The following MAGI1 variants were observed in gnomAD, a reference collection of about 807,000 sequenced individuals.
MAGI1 encodes the protein membrane associated guanylate kinase, WW and PDZ domain containing 1, also known as membrane-associated guanylate kinase, WW and PDZ domain-containing protein 1.
Under a neutral mutation model 139.9 loss-of-function variants are expected in MAGI1, and 58 were observed. The ratio of observed to expected loss-of-function variants is 0.41; its 90% CI spans 0.34 to 0.52. The LOEUF (loss-of-function observed/expected upper bound fraction) is 0.52. Ranked by LOEUF, MAGI1 falls within the 20% of genes least tolerant of loss-of-function variation. The pLI, the probability that MAGI1 is intolerant of heterozygous loss-of-function variation, is 0.12. For synonymous variants in MAGI1, 812 were observed against 737.9 expected, an observed-to-expected ratio of 1.10 and a Z score of -1.63; for missense variants, 1,874 against 1,901.6, an observed-to-expected ratio of 0.99 and a Z score of 0.27.
At chr3:65,887,510 TA>T (rs976970559) in intron 1 of MAGI1, among the ~76,000 whole-genome samples, 1 of 151,750 alleles carries the variant, frequency 6.6e-6, no homozygotes, top group African/African-American at 2.4e-5. Context: ...TACTGTGCAT[TA>T]AAAAAAACTA....
chr3:65,526,867 A>C (rs2078407705), intron 2 of MAGI1, among the ~76,000 whole-genome samples: 1 of 152,190 alleles, frequency 6.6e-6, no homozygotes, highest in African/African-American at 2.4e-5. Flanking sequence ...GTTAGCGCCC[A>C]GTTTTGCCAT....
At chr3:65,979,740 GA>G (rs1213071593) in intron 1 of MAGI1, among the ~76,000 whole-genome samples, 1 of 152,152 alleles carries the variant, frequency 6.6e-6, no homozygotes, top group Non-Finnish European at 1.5e-5. Context: ...GCTCATAAAG[GA>G]AAAGCTTAGG....
intron 2 of MAGI1, among the ~76,000 whole-genome samples, chr3:65,611,889 C>G (rs1258691463): frequency 6.6e-6 from 1 of 151,778 alleles, no homozygotes; most frequent in African/African-American, 2.4e-5. Context: ...GTTTCCTCAT[C>G]AGTGAAGATA....
intron 2 of MAGI1, 86 bp downstream of exon 2, chr3:65,621,886 T>A: frequency 1.1e-6 from 1 of 919,592 alleles, no homozygotes; most frequent in Non-Finnish European, 1.7e-6. Flanking sequence ...CCAGAACCAG[T>A]TGTTGAGATC....
At chr3:65,798,090 G>A (rs2040262490) in intron 1 of MAGI1, among the ~76,000 whole-genome samples, 1 of 152,118 alleles carries the variant, frequency 6.6e-6, no homozygotes, top group Admixed American at 6.5e-5. Context: ...CAGATCACGA[G>A]GTCAAGAGAT....
chr3:65,699,905 A>C (rs995088585), intron 1 of MAGI1, among the ~76,000 whole-genome samples: 59 of 151,978 alleles, frequency 3.9e-4, no homozygotes, highest in Admixed American at 7.8e-4. Flanking sequence ...AAAAATAAAA[A>C]AAAAAAGAAA....
intron 1 of MAGI1, among the ~76,000 whole-genome samples, chr3:65,726,020 C>T (rs2033564441): frequency 6.6e-6 from 1 of 152,082 alleles, no homozygotes; most frequent in Non-Finnish European, 1.5e-5. Flanking sequence ...GCCAGTTTAG[C>T]AGGGTTAAAG....
At chr3:65,430,657 A>G (rs746464011) in intron 11 of MAGI1, 42 bp downstream of exon 11, 11 of 1,583,846 alleles carry the variant, frequency 6.9e-6, no homozygotes, top group Non-Finnish European at 8.6e-6. Context: ...CCTGGATTGG[A>G]GTCTCACCAC....
intron 1 of MAGI1, among the ~76,000 whole-genome samples, chr3:65,835,928 A>G (rs895032023): frequency 6.6e-6 from 1 of 152,138 alleles, no homozygotes; most frequent in African/African-American, 2.4e-5. Context: ...TGTTTTAATT[A>G]TAAAAATTGG....
At chr3:65,424,380 GT>G (rs1307369758) in intron 12 of MAGI1, among the ~76,000 whole-genome samples, 1 of 152,138 alleles carries the variant, frequency 6.6e-6, no homozygotes, top group African/African-American at 2.4e-5. Context: ...CACTTGCCAG[GT>G]TCCCCAGGAA....
chr3:65,854,017 A>G (rs2059293044), intron 1 of MAGI1, among the ~76,000 whole-genome samples: 1 of 152,084 alleles, frequency 6.6e-6, no homozygotes, highest in African/African-American at 2.4e-5. Context: ...CTGAAGCAGG[A>G]GAATCACTTG....
intron 2 of MAGI1, among the ~76,000 whole-genome samples, chr3:65,543,060 A>G (rs900566521): frequency 6.6e-6 from 1 of 152,152 alleles, no homozygotes. Context: ...TATAAGAAAA[A>G]AAAAACAAAC....
chr3:65,366,543 A>T (rs1463772776), intron 18 of MAGI1, among the ~76,000 whole-genome samples: 1 of 152,182 alleles, frequency 6.6e-6, no homozygotes, highest in East Asian at 1.9e-4. Context: ...ACTGGGAGAC[A>T]GTTTAGCACA....
At chr3:65,374,117 A>AT (rs1340869204) in intron 18 of MAGI1, among the ~76,000 whole-genome samples, 3 of 152,100 alleles carry the variant, frequency 2.0e-5, no homozygotes, top group Non-Finnish European at 2.9e-5. Context: ...CATAAACTAG[A>AT]TTTTTTCTTG....
chr3:65,786,907 G>A lies in MAGI1; in HGVS notation c.314-164819C>T, dbSNP rs936031879. Among the ~76,000 whole-genome samples the A allele has an allele frequency of 1.1e-4, 16 of 152,170 alleles. No homozygotes were observed. In the South Asian group the frequency reaches 1.9e-3, roughly 18 times the overall value. On this transcript the variant is annotated intron_variant, in intron 1 of 22. Coordinates refer to ENST00000402939, the MANE Select transcript of MAGI1 (RefSeq NM_001033057.2). ...TGGGATTACAGGTGTGAGCCACCGC[G>A]CAAGACCCCAAGAATCTTTTAATGC...
chr3:65,471,927 A>C (rs998387762), intron 4 of MAGI1, among the ~76,000 whole-genome samples: 5 of 152,132 alleles, frequency 3.3e-5, no homozygotes, highest in African/African-American at 9.7e-5. Flanking sequence ...CCAGAGAATT[A>C]AGTCCACACA....
intron 1 of MAGI1, among the ~76,000 whole-genome samples, chr3:65,983,410 T>C (rs1423176214): frequency 2.6e-5 from 4 of 152,196 alleles, no homozygotes; most frequent in Non-Finnish European, 4.4e-5. Context: ...CTCTGTGAAA[T>C]GACTTTAAAA....
Position 65,666,499 on chromosome 3 carries a change from C to T in MAGI1, c.314-44411G>A, listed in dbSNP as rs914321367. Among the ~76,000 whole-genome samples the T allele has an allele frequency of 6.0e-4, 92 of 152,158 alleles. 1 individual carries two copies. Among genetic ancestry groups the T allele is most frequent in the African/African-American group, 2.2e-3 (91 of 41,442 alleles). ...CCAAGGCAGGTGAGTTTGGAAAATGCTGCTTATTATAAAACCTTATAGACA... is the reference window on the plus strand; with the variant it reads ...CCAAGGCAGGTGAGTTTGGAAAATGTTGCTTATTATAAAACCTTATAGACA... On this transcript the variant is annotated intron_variant, in intron 1 of 22. Coordinates refer to ENST00000402939, the MANE Select transcript of MAGI1 (RefSeq NM_001033057.2).
chr3:65,464,933 T>C (rs949058377), intron 5 of MAGI1, among the ~76,000 whole-genome samples: 2 of 150,612 alleles, frequency 1.3e-5, no homozygotes, highest in Admixed American at 1.3e-4. Flanking sequence ...CTCCTTTGTA[T>C]AGCTTTTAAG....
Sources: allele counts gnomAD v4.1 joint callset (sites outside exome capture counted in the v4.1 genomes callset), GRCh38; gene constraint gnomAD v4.1.1; transcripts MANE v1.5; gene names NCBI Gene and HGNC (gene_info 2026-07-23, HGNC 2026-07-21).